TMEM132B: variants seen among roughly 807,000 people sequenced by gnomAD.
The protein encoded by TMEM132B is transmembrane protein 132B.
Under a neutral mutation model 90.8 loss-of-function variants are expected in TMEM132B, and 18 were observed. The observed-to-expected ratio is 0.20, with a 90% CI of 0.14 to 0.29. The LOEUF is 0.29. Among genes scored for constraint, TMEM132B ranks in the 10% least tolerant of loss-of-function variants. TMEM132B has a pLI of 1.00. For synonymous variants in TMEM132B, 504 were observed against 523.3 expected (o/e 0.96, Z 0.50); for missense variants, 1,096 against 1,326.8 (o/e 0.83, Z 2.70).
intron 1 of TMEM132B, chr12:125,300,828 T>A (rs1013416654): frequency 6.6e-6 from 1 of 152,072 alleles, no homozygotes; most frequent in Non-Finnish European, 1.5e-5. Flanking sequence ...ACTTAGGTGC[T>A]GCACTGGGCG....
At chr12:125,405,112 A>G (rs141682083) in intron 2 of TMEM132B, among the ~76,000 whole-genome samples, 108 of 152,350 alleles carry the variant, frequency 7.1e-4, no homozygotes, top group African/African-American at 2.5e-3. Context: ...CAAACGCGAT[A>G]GTGTAAAACA....
At position 125,246,273 on chromosome 12, in the gene TMEM132B, C is replaced by T. The variant is rs1874204879; in HGVS notation, c.67+59407C>T. On this transcript the variant is annotated intron_variant, in intron 1 of 8. Coordinates refer to ENST00000682704, the MANE Select transcript of TMEM132B (RefSeq NM_001366854.1). The surrounding 1 kb of genome is among the most constrained non-coding windows in gnomAD (Gnocchi z 4.2). ...GTCAGTGTGAGCTTAGCTGGTGGCC[C>T]CTCCTTTCCCCGCCTTCCCTGCCAC... 6.6e-6 allele frequency among the ~76,000 whole-genome samples: 1 copy of T among 152,138 alleles called. No individual in the cohort carries two copies. The highest frequency in any genetic ancestry group is 2.1e-4 in the South Asian group (1 of 4,826).
At chr12:125,513,333 CGTGTGCCT>C (rs1043834555) in intron 3 of TMEM132B, among the ~76,000 whole-genome samples, 5 of 151,674 alleles carry the variant, frequency 3.3e-5, no homozygotes, top group East Asian at 1.9e-4. Context: ...TGTGCGTGTG[CGTGTGCCT>C]GTGTGCGTGT....
intron 3 of TMEM132B, among the ~76,000 whole-genome samples, chr12:125,450,200 C>T (rs1566039815): frequency 6.6e-6 from 1 of 152,058 alleles, no homozygotes; most frequent in Non-Finnish European, 1.5e-5. Context: ...GTATTCTTCC[C>T]TTTTAAAAGT....
intron 8 of TMEM132B, among the ~76,000 whole-genome samples, chr12:125,653,157 A>C (rs1179851878): frequency 1.3e-5 from 2 of 152,252 alleles, no homozygotes; most frequent in Admixed American, 6.5e-5. Context: ...CAGCCAGTGC[A>C]TGTTTTGCTC....
At chr12:125,519,872 T>G (rs1883264279) in intron 4 of TMEM132B, among the ~76,000 whole-genome samples, 1 of 152,214 alleles carries the variant, frequency 6.6e-6, no homozygotes, top group Non-Finnish European at 1.5e-5. Flanking sequence ...TATTCTTTAT[T>G]TTCTCAATCT....
At chr12:125,339,721 G>T in intron 1 of TMEM132B, among the ~76,000 whole-genome samples, 1 of 152,172 alleles carries the variant, frequency 6.6e-6, no homozygotes, top group East Asian at 1.9e-4. Flanking sequence ...GCCAGGAGGA[G>T]CAAAGTTACA....
chr12:125,365,400 AACTTTT>A (rs1165070955), intron 2 of TMEM132B, among the ~76,000 whole-genome samples: 2 of 152,098 alleles, frequency 1.3e-5, no homozygotes, highest in African/African-American at 4.8e-5. Flanking sequence ...AGAATATTAT[AACTTTT>A]ACTTTAAATA....
chr12:125,390,403 T>G (rs1025700967), intron 2 of TMEM132B, among the ~76,000 whole-genome samples: 6 of 152,158 alleles, frequency 3.9e-5, no homozygotes, highest in Non-Finnish European at 7.4e-5. Context: ...GCAAAATGAG[T>G]CCATGGTTTT....
chr12:125,600,950 G>A (rs1885555475), intron 5 of TMEM132B, among the ~76,000 whole-genome samples: 1 of 152,226 alleles, frequency 6.6e-6, no homozygotes. Flanking sequence ...CAATACAGGA[G>A]CACCCAGATT....
At chr12:125,438,774 TG>T (rs1441997300) in intron 3 of TMEM132B, among the ~76,000 whole-genome samples, 3 of 100,590 alleles carry the variant, frequency 3.0e-5, no homozygotes, top group Non-Finnish European at 5.6e-5. Context: ...CCACAGGCCG[TG>T]TTTTTTGGTG....
intron 4 of TMEM132B, among the ~76,000 whole-genome samples, chr12:125,523,228 A>G (rs1017409801): frequency 6.6e-6 from 1 of 152,184 alleles, no homozygotes; most frequent in African/African-American, 2.4e-5. Flanking sequence ...AGAGTTCTGG[A>G]GGTCAGAAGT....
At position 125,415,239 on chromosome 12, in the gene TMEM132B, T is replaced by C. The variant is rs1879977436; in HGVS notation, c.960-292T>C. Among the ~76,000 whole-genome samples, 1 of 152,222 alleles carries C rather than the reference T, an allele frequency of 6.6e-6. No homozygotes were observed. The highest frequency in any genetic ancestry group is 1.5e-5 in the Non-Finnish European group (1 of 68,032). ...CGAGGCATCTGTCTCATTTGCATCA[T>C]GCTGGGATCCCTGGAGCAGCAAGTG... On this transcript the variant is annotated intron_variant, in intron 2 of 8. Transcript: ENST00000682704. The surrounding 1 kb of genome is among the most constrained non-coding windows in gnomAD (Gnocchi z 5.3).
chr12:125,292,886 T>A (rs1019443587), intron 1 of TMEM132B, among the ~76,000 whole-genome samples: 7 of 152,234 alleles, frequency 4.6e-5, no homozygotes, highest in Admixed American at 2.0e-4. Context: ...ATTGGCCAGG[T>A]CAGGGTCACA....
At chr12:125,440,328 T>C (rs1186063192) in intron 3 of TMEM132B, among the ~76,000 whole-genome samples, 1 of 152,218 alleles carries the variant, frequency 6.6e-6, no homozygotes, top group African/African-American at 2.4e-5. Flanking sequence ...AATTAAATTA[T>C]TCCTCTTTTT....
chr12:125,635,725 C>T, intron 5 of TMEM132B, among the ~76,000 whole-genome samples: 1 of 152,192 alleles, frequency 6.6e-6, no homozygotes, highest in Admixed American at 6.5e-5. Context: ...ATACTGTCTT[C>T]CACAATGGTT....
At chr12:125,596,519 A>G (rs1161779861) in intron 5 of TMEM132B, among the ~76,000 whole-genome samples, 1 of 152,210 alleles carries the variant, frequency 6.6e-6, no homozygotes, top group Non-Finnish European at 1.5e-5. Context: ...CTTAGCTCTT[A>G]AATCACTTTG....
At position 125,253,966 on chromosome 12, in the gene TMEM132B, A is replaced by T. The variant is rs1261906753; in HGVS notation, c.67+67100A>T. Among the ~76,000 whole-genome samples, 5 of 152,280 alleles carry T rather than the reference A, an allele frequency of 3.3e-5. No individual in the cohort carries two copies. In the East Asian group the frequency reaches 5.8e-4, roughly 18 times the overall value. On this transcript the variant is annotated intron_variant, in intron 1 of 8. Coordinates refer to ENST00000682704, the MANE Select transcript of TMEM132B (RefSeq NM_001366854.1). ...GCTTGGCTTTTGCAGAGAGCTTGAA[A>T]TAAATGGGCGAAGGAGGGAAGGAGC...
intron 3 of TMEM132B, among the ~76,000 whole-genome samples, chr12:125,443,416 A>T (rs1222137276): frequency 6.6e-6 from 1 of 152,182 alleles, no homozygotes; most frequent in Non-Finnish European, 1.5e-5. Flanking sequence ...GAACTCCAGC[A>T]GAGTCAGAAA....
Sources: allele counts gnomAD v4.1 joint callset (sites outside exome capture counted in the v4.1 genomes callset), GRCh38; gene constraint gnomAD v4.1.1; non-coding constraint Gnocchi (gnomAD v3.1); transcripts MANE v1.5; gene names NCBI Gene and HGNC (gene_info 2026-07-23, HGNC 2026-07-21).